Variants in COL5A1 observed in about 807,000 individuals in gnomAD.
COL5A1 encodes the protein collagen type V alpha 1 chain, also known as collagen alpha-1(V) chain.
Under a neutral mutation model 263.7 loss-of-function variants are expected in COL5A1, and 16 were observed. That is an observed-to-expected ratio of 0.06 (90% confidence interval 0.04 to 0.09). COL5A1 has a LOEUF of 0.09. Ranked by LOEUF, COL5A1 falls within the 10% of genes least tolerant of loss-of-function variation. The pLI is 1.00. For missense variants in COL5A1, 2,036 were observed against 2,540.5 expected (o/e 0.80, Z 4.27); for synonymous variants, 1,012 against 1,004.5 (o/e 1.01, Z -0.14).
chr9:134,731,689 G>T (rs62574080), intron 8 of COL5A1, 26 bp downstream of exon 8: 1 of 1,594,350 alleles, frequency 6.3e-7, no homozygotes. Flanking sequence ...CCCCCGTTCC[G>T]GGTGGGGTTG....
At chr9:134,649,731 C>T in intron 1 of COL5A1, 1 of 342,882 alleles carries the variant, frequency 2.9e-6, no homozygotes, top group South Asian at 2.3e-5. Context: ...GAGAAATGCA[C>T]ACGTATGTTT....
Position 134,821,208 on chromosome 9 carries a change from C to T in COL5A1, c.4555-889C>T, listed in dbSNP as rs1462978548. 6.6e-6 allele frequency among the ~76,000 whole-genome samples: 1 copy of T among 151,936 alleles called. No individual in the cohort carries two copies. Among genetic ancestry groups the T allele is most frequent in the Non-Finnish European group, 1.5e-5 (1 of 67,956 alleles). ...GAGAATTAGAGAGGCATCCAGGGTC[C>T]CCACGGCCAGCGGGGAAAGCACCCC... On this transcript the variant is annotated intron_variant, in intron 58 of 65. Coordinates refer to ENST00000371817, the MANE Select transcript of COL5A1 (RefSeq NM_000093.5). This position sits in a 1 kb window ranked among gnomAD's most constrained non-coding sequence, Gnocchi z 4.2.
chr9:134,839,415 A>T (rs536963797), intron 65 of COL5A1, among the ~76,000 whole-genome samples: 2 of 152,260 alleles, frequency 1.3e-5, no homozygotes, highest in Admixed American at 1.3e-4. Flanking sequence ...CCATGAAATC[A>T]CCCGACAGCT....
chr9:134,678,175 G>T lies in COL5A1; in HGVS notation c.110-12737G>T, dbSNP rs147627706. On this transcript the variant is annotated intron_variant, in intron 1 of 65. Transcript: ENST00000371817. The surrounding 1 kb of genome is among the most constrained non-coding windows in gnomAD (Gnocchi z 5.5). ...GGAAAGATTTTGGACCCAAATGGAT[G>T]CTGTCTGAAACTCAGGTGGTCTGTA... 2.9e-3 allele frequency among the ~76,000 whole-genome samples: 448 copies of T among 152,336 alleles called. 2 individuals are homozygous for T. The highest frequency in any genetic ancestry group is 0.01 in the African/African-American group (427 of 41,572).
At chr9:134,659,792 C>T (rs12551020) in intron 1 of COL5A1, among the ~76,000 whole-genome samples, 16,903 of 152,140 alleles carry the variant, frequency 0.11, 1,221 homozygotes, top group Admixed American at 0.16. Flanking sequence ...ATGAGATCTG[C>T]GGATTAGATC....
rs376087882 is a variant in COL5A1 at position 134,842,605 on chromosome 9, C to G, written c.*302C>G. 1.6e-3 allele frequency: 840 copies of G among 531,920 alleles called. 16 individuals are homozygous for G. In the South Asian group the frequency reaches 0.017, roughly 11 times the overall value. 33.0% of individuals were successfully genotyped at this position (531,920 alleles called of 1,614,324 possible). A position where few individuals can be genotyped will look rare whatever the true frequency, so the allele number is the denominator to read the frequency against. Reference sequence around the variant, plus strand: ...GAGCGGGGCCATGCCTCCAGCCCCCCAGCTCGCCCGACCCATCCTGTTCGT... The same window carrying G: ...GAGCGGGGCCATGCCTCCAGCCCCCGAGCTCGCCCGACCCATCCTGTTCGT... On this transcript the variant is annotated 3_prime_UTR_variant, in exon 66 of 66. Transcript: ENST00000371817. This position sits in a 1 kb window ranked among gnomAD's most constrained non-coding sequence, Gnocchi z 5.8.
At position 134,741,286 on chromosome 9, in the gene COL5A1, A is replaced by T. The variant is rs1468150643; in HGVS notation, c.1494+2478A>T. Among the ~76,000 whole-genome samples, 1 of 152,198 alleles carries T rather than the reference A, an allele frequency of 6.6e-6. No individual in the cohort carries two copies. The highest frequency in any genetic ancestry group is 1.5e-5 in the Non-Finnish European group (1 of 68,036). On this transcript the variant is annotated intron_variant, in intron 11 of 65. Transcript: ENST00000371817. This position sits in a 1 kb window ranked among gnomAD's most constrained non-coding sequence, Gnocchi z 4.5. ...GACAGATTAACAAGAGAAGAGGCAT[A>T]CGATTTTAACACTTTTAATCTTCTA...
At position 134,818,505 on chromosome 9, in the gene COL5A1, G is replaced by A; in HGVS notation, c.4231-151G>A. The A allele has an allele frequency of 1.6e-6, 1 of 643,358 alleles. No homozygotes were observed. Among genetic ancestry groups the A allele is most frequent in the East Asian group, 2.7e-5 (1 of 36,640 alleles). 39.9% of individuals were successfully genotyped at this position (643,358 alleles called of 1,614,324 possible). ...AGACTTGACCAGGGCAGCTTCCACAGGCAATGAAATGTGGAGAATTAGGGC... is the reference window on the plus strand; with the variant it reads ...AGACTTGACCAGGGCAGCTTCCACAAGCAATGAAATGTGGAGAATTAGGGC... On this transcript the variant is annotated intron_variant, in intron 54 of 65. Transcript: ENST00000371817. The surrounding 1 kb of genome is among the most constrained non-coding windows in gnomAD (Gnocchi z 6.0).
At chr9:134,786,837 CT>C (rs879719139) in intron 31 of COL5A1, among the ~76,000 whole-genome samples, 1 of 152,254 alleles carries the variant, frequency 6.6e-6, no homozygotes, top group Non-Finnish European at 1.5e-5. Context: ...GAGGCATCTC[CT>C]TTTAGCCTCA....
intron 4 of COL5A1, among the ~76,000 whole-genome samples, chr9:134,719,438 A>G (rs1453198832): frequency 2.0e-5 from 3 of 152,268 alleles, no homozygotes; most frequent in African/African-American, 7.2e-5. Flanking sequence ...GTATGTATGC[A>G]CACACACAGT....
At chr9:134,823,669 GAGA>G (rs1839121552) in intron 61 of COL5A1, among the ~76,000 whole-genome samples, 200 bp downstream of exon 61, 1 of 152,378 alleles carries the variant, frequency 6.6e-6, no homozygotes, top group Admixed American at 6.5e-5. Flanking sequence ...AATTGGCCCT[GAGA>G]AGAACAGCTG....
intron 2 of COL5A1, among the ~76,000 whole-genome samples, chr9:134,699,164 A>T (rs1833581636): frequency 6.6e-6 from 1 of 152,182 alleles, no homozygotes; most frequent in Non-Finnish European, 1.5e-5. Context: ...GGTCATGCCC[A>T]CGGATGAGGG....
chr9:134,790,621 T>C (rs1165814015), intron 32 of COL5A1, among the ~76,000 whole-genome samples: 2 of 124,590 alleles, frequency 1.6e-5, no homozygotes, highest in African/African-American at 6.2e-5. Flanking sequence ...CATCCATCCA[T>C]CCATCCATCC....
intron 1 of COL5A1, among the ~76,000 whole-genome samples, chr9:134,674,512 T>C (rs1341541257): frequency 4.7e-5 from 7 of 148,698 alleles, no homozygotes; most frequent in Non-Finnish European, 1.5e-5. Context: ...TGTATCTTGA[T>C]AGTGTGTGTG....
chr9:134,814,105 G>GGAGGCTCTGGCTCTGCCTTAGCTT, intron 49 of COL5A1, 69 bp downstream of exon 49: 1 of 1,472,512 alleles, frequency 6.8e-7, no homozygotes, highest in East Asian at 2.5e-5. Context: ...GTGCTGGGTT[G>GGAGGCTCTGGCTCTGCCTTAGCTT]GAGGCTCTGG....
chr9:134,690,596 C>T (rs1030827104), intron 1 of COL5A1, among the ~76,000 whole-genome samples: 1 of 152,116 alleles, frequency 6.6e-6, no homozygotes, highest in Non-Finnish European at 1.5e-5. Flanking sequence ...GGAAGGAGGG[C>T]GTCGTCAGAG....
intron 32 of COL5A1, 79 bp from the exon 33 acceptor site, chr9:134,795,003 A>G: frequency 6.7e-6 from 10 of 1,501,628 alleles, no homozygotes; most frequent in Non-Finnish European, 8.3e-6. Flanking sequence ...ACAGTCTCTC[A>G]ATAACCCGGG....
intron 4 of COL5A1, among the ~76,000 whole-genome samples, chr9:134,704,798 T>C (rs1833786099): frequency 8.5e-6 from 1 of 118,294 alleles, no homozygotes; most frequent in East Asian, 2.6e-4. Flanking sequence ...CTTTTCTTTT[T>C]TTTTTTTCCC....
intron 25 of COL5A1, among the ~76,000 whole-genome samples, chr9:134,770,926 C>T (rs1469895377): frequency 6.6e-6 from 1 of 152,218 alleles, no homozygotes; most frequent in African/African-American, 2.4e-5. Context: ...CCCCCCACTG[C>T]TTTACTCTCA....
Sources: gnomAD v4.1 joint callset for allele counts (sites outside exome capture counted in the v4.1 genomes callset) on GRCh38, gnomAD v4.1.1 for gene constraint, Gnocchi (gnomAD v3.1) non-coding constraint, MANE v1.5 for transcripts, NCBI Gene and HGNC (gene_info 2026-07-23, HGNC 2026-07-21) for gene names.